Variants in KCNIP4 observed in about 807,000 individuals in gnomAD.
The protein encoded by KCNIP4 is Kv channel-interacting protein 4.
In KCNIP4, 12 loss-of-function variants were observed where a neutral mutation model predicts 34.0. The observed-to-expected ratio is 0.35, with a 90% confidence interval of 0.23 to 0.57. The LOEUF (loss-of-function observed/expected upper bound fraction) is 0.57. Ranked by LOEUF, KCNIP4 falls within the 20% of genes least tolerant of loss-of-function variation. KCNIP4 has a pLI of 0.83. For missense variants in KCNIP4, 238 were observed against 311.7 expected (o/e 0.76, Z 1.78); for synonymous variants, 124 against 102.2 (o/e 1.21, Z -1.29).
At chr4:20,781,376 C>A (rs1756855422) in intron 3 of KCNIP4, among the ~76,000 whole-genome samples, 1 of 152,084 alleles carries the variant, frequency 6.6e-6, no homozygotes, top group Admixed American at 6.6e-5. Flanking sequence ...TGCAAAGTAA[C>A]AATTATATGA....
chr4:21,609,484 G>A (rs1743983916), intron 1 of KCNIP4, among the ~76,000 whole-genome samples: 1 of 152,136 alleles, frequency 6.6e-6, no homozygotes, highest in African/African-American at 2.4e-5. Flanking sequence ...CAGCCTGTAT[G>A]TCTATTTTTA....
At chr4:21,766,401 G>C (rs1408816159) in intron 1 of KCNIP4, among the ~76,000 whole-genome samples, 1 of 152,108 alleles carries the variant, frequency 6.6e-6, no homozygotes, top group Admixed American at 6.6e-5. Flanking sequence ...GTAAGAGTTT[G>C]AGCTGGGACT....
chr4:21,071,925 G>A (rs1398308575), intron 1 of KCNIP4, among the ~76,000 whole-genome samples: 1 of 152,114 alleles, frequency 6.6e-6, no homozygotes, highest in Non-Finnish European at 1.5e-5. Context: ...AGTTTGCTGA[G>A]AATGATGGTT....
rs555552799 is a variant in KCNIP4, at chr4:20,906,068, C to T, written c.62-23359G>A. 5.3e-5 allele frequency among the ~76,000 whole-genome samples: 8 copies of T among 150,670 alleles called. No homozygotes were observed. In the East Asian group the frequency reaches 1.2e-3, roughly 22 times the overall value. ...CCTTCTCTTCCTCCCTCCCTCCCTC[C>T]CTTCCCTCCTTTCTTCCTTTCTTTT... is the stretch of plus-strand genomic sequence containing the variant. On this transcript the variant is annotated intron_variant, in intron 1 of 8. Transcript: ENST00000382152.
chr4:21,568,971 T>C (rs1238007500), intron 1 of KCNIP4, among the ~76,000 whole-genome samples: 1 of 151,964 alleles, frequency 6.6e-6, no homozygotes, highest in Non-Finnish European at 1.5e-5. Context: ...ATGTCAAAAA[T>C]GGTCAATAAA....
chr4:20,910,657 C>T lies in KCNIP4; in HGVS notation c.62-27948G>A, dbSNP rs185069992. Among the ~76,000 whole-genome samples, 1,228 of 152,310 alleles carry T rather than the reference C, an allele frequency of 8.1e-3. 54 individuals are homozygous for T. Among genetic ancestry groups the T allele is most frequent in the Admixed American group, 0.072 (1,098 of 15,298 alleles). Reference sequence around the variant, plus strand: ...TTTGTCCAGGAGTTCAGTACTTTCACGGCAGCCTCTGATTCACTGAAATGT... The same window carrying T: ...TTTGTCCAGGAGTTCAGTACTTTCATGGCAGCCTCTGATTCACTGAAATGT... On this transcript the variant is annotated intron_variant, in intron 1 of 8. Transcript: ENST00000382152.
intron 1 of KCNIP4, among the ~76,000 whole-genome samples, chr4:21,319,929 C>T (rs968704285): frequency 2.6e-5 from 4 of 152,076 alleles, no homozygotes; most frequent in Admixed American, 2.6e-4. Context: ...GAGTGTTTTG[C>T]AAATAGAAAA....
rs145887161 is a variant in KCNIP4, at chr4:21,332,389, C to T, written c.62-449680G>A. On this transcript the variant is annotated intron_variant, in intron 1 of 8. Transcript: ENST00000382152. The stretch of plus-strand genomic sequence containing the variant: ...GATGACTCCAGATTTACACCTCCAA[C>T]AGCATTCCAAGTCTCTTATCCATCT... 1.7e-3 allele frequency among the ~76,000 whole-genome samples: 257 copies of T among 152,122 alleles called. 2 individuals are homozygous for T. Among genetic ancestry groups the T allele is most frequent in the Non-Finnish European group, 2.5e-3 (171 of 67,930 alleles).
chr4:21,216,794 G>C (rs1757613998), intron 1 of KCNIP4, among the ~76,000 whole-genome samples: 1 of 152,062 alleles, frequency 6.6e-6, no homozygotes, highest in Admixed American at 6.6e-5. Flanking sequence ...AATAAACCAA[G>C]AACATTGACA....
intron 1 of KCNIP4, among the ~76,000 whole-genome samples, chr4:20,936,128 T>C (rs932569880): frequency 1.3e-5 from 2 of 152,184 alleles, no homozygotes; most frequent in African/African-American, 2.4e-5. Context: ...ATCTACTCTA[T>C]TGAACTGTTA....
chr4:21,001,713 A>G (rs901267422), intron 1 of KCNIP4, among the ~76,000 whole-genome samples: 4 of 152,206 alleles, frequency 2.6e-5, no homozygotes, highest in Non-Finnish European at 5.9e-5. Context: ...AACTGTCACA[A>G]GGACTCTGTT....
chr4:20,801,727 C>T (rs1714258866), intron 3 of KCNIP4, among the ~76,000 whole-genome samples: 1 of 151,858 alleles, frequency 6.6e-6, no homozygotes, highest in South Asian at 2.1e-4. Context: ...CTTAATACTA[C>T]AGAAAATTAT....
At chr4:20,833,466 C>A (rs917616777) in intron 3 of KCNIP4, among the ~76,000 whole-genome samples, 2 of 149,018 alleles carry the variant, frequency 1.3e-5, no homozygotes, top group Admixed American at 1.3e-4. Flanking sequence ...GCCTGGGCAA[C>A]AGAGTGAGAC....
At chr4:21,013,975 T>C (rs140277548) in intron 1 of KCNIP4, among the ~76,000 whole-genome samples, 1 of 152,280 alleles carries the variant, frequency 6.6e-6, no homozygotes, top group African/African-American at 2.4e-5. Context: ...AGAATCCTTC[T>C]TATCTTCCCA....
chr4:21,332,287 G>T (rs535925100), intron 1 of KCNIP4, among the ~76,000 whole-genome samples: 5 of 151,020 alleles, frequency 3.3e-5, no homozygotes, highest in South Asian at 4.2e-4. Flanking sequence ...TTAACCCAAG[G>T]ATTCTGATTT....
At chr4:21,415,340 GAGTC>G (rs1386514602) in intron 1 of KCNIP4, among the ~76,000 whole-genome samples, 1 of 152,066 alleles carries the variant, frequency 6.6e-6, no homozygotes. Flanking sequence ...TGGACAGAAA[GAGTC>G]AGTAAAAATG....
At chr4:21,836,367 G>T (rs965283263) in intron 1 of KCNIP4, among the ~76,000 whole-genome samples, 9 of 152,080 alleles carry the variant, frequency 5.9e-5, no homozygotes, top group Non-Finnish European at 1.0e-4. Flanking sequence ...GGAGATAATT[G>T]CCTCTCCACT....
chr4:21,826,731 A>C (rs1199753625), intron 1 of KCNIP4, among the ~76,000 whole-genome samples: 1 of 152,126 alleles, frequency 6.6e-6, no homozygotes, highest in Non-Finnish European at 1.5e-5. Context: ...GTTGGAGAAA[A>C]ATCTGTGCTA....
At chr4:21,086,799 C>A (rs1221770626) in intron 1 of KCNIP4, among the ~76,000 whole-genome samples, 1 of 152,024 alleles carries the variant, frequency 6.6e-6, no homozygotes, top group Admixed American at 6.6e-5. Flanking sequence ...TGGTTAAAAT[C>A]TCTCTAAAAC....
Sources: gnomAD v4.1 joint callset for allele counts (sites outside exome capture counted in the v4.1 genomes callset) on GRCh38, gnomAD v4.1.1 for gene constraint, MANE v1.5 for transcripts, NCBI Gene and HGNC (gene_info 2026-07-23, HGNC 2026-07-21) for gene names.